PDZD2: variants seen among roughly 807,000 people sequenced by gnomAD.
The protein encoded by PDZD2 is PDZ domain containing 2.
In PDZD2, 90 loss-of-function variants were observed where a neutral mutation model predicts 220.7. That is an observed-to-expected ratio of 0.41 (90% CI 0.34 to 0.49). The LOEUF (loss-of-function observed/expected upper bound fraction) is 0.49, where lower values mean the gene tolerates loss of function less well. Ranked by LOEUF, PDZD2 falls within the 20% of genes least tolerant of loss-of-function variation. The pLI, the probability that PDZD2 is intolerant of heterozygous loss-of-function variation, is 0.28. For missense variants in PDZD2, 3,174 were observed against 3,608.5 expected, an observed-to-expected ratio of 0.88 and a Z score of 3.08; for synonymous variants, 1,375 against 1,450.5, an observed-to-expected ratio of 0.95 and a Z score of 1.18.
chr5:32,074,111 G>C lies in PDZD2; in HGVS notation c.3005G>C (p.Arg1002Thr). Residue 1002 changes from arginine (R) to threonine (T), a missense_variant, in exon 18 of 25, where the codon AGG becomes ACG. Coordinates refer to ENST00000438447, the MANE Select transcript of PDZD2 (RefSeq NM_178140.4). ...PIRPLSEDDP[R>T]RVSISSSKGM... Reference sequence around the variant, plus strand: ...AGGCCTCTGTCAGAGGATGACCCGAGGCGTGTCTCAATTTCCTCTTCCAAG... The same window carrying C: ...AGGCCTCTGTCAGAGGATGACCCGACGCGTGTCTCAATTTCCTCTTCCAAG... 6.2e-7 allele frequency: 1 copy of C among 1,614,224 alleles called. No homozygotes were observed. Among genetic ancestry groups the C allele is most frequent in the Non-Finnish European group, 8.5e-7 (1 of 1,180,048 alleles).
intron 3 of PDZD2, among the ~76,000 whole-genome samples, chr5:31,990,361 A>T (rs1279899429): frequency 1.3e-5 from 2 of 152,236 alleles, no homozygotes; most frequent in African/African-American, 2.4e-5. Flanking sequence ...GGAAAGGGTA[A>T]CACTCCAACA....
intron 6 of PDZD2, among the ~76,000 whole-genome samples, chr5:32,012,278 A>G (rs1267278529): frequency 2.0e-5 from 3 of 152,156 alleles, no homozygotes; most frequent in Non-Finnish European, 4.4e-5. Flanking sequence ...CGGCGAGGAC[A>G]GCCCTGCAGC....
At chr5:32,043,099 G>C (rs1737579597) in intron 7 of PDZD2, among the ~76,000 whole-genome samples, 2 of 152,310 alleles carry the variant, frequency 1.3e-5, no homozygotes, top group South Asian at 4.1e-4. Context: ...AGGGAATCTT[G>C]AAAAGAATTC....
At chr5:31,817,125 G>A (rs896782278) in intron 2 of PDZD2, among the ~76,000 whole-genome samples, 6 of 151,354 alleles carry the variant, frequency 4.0e-5, no homozygotes, top group African/African-American at 1.5e-4. Flanking sequence ...GGTGGAGCTT[G>A]CGGTGAGCCG....
At chr5:31,915,803 A>C (rs1288192918) in intron 2 of PDZD2, among the ~76,000 whole-genome samples, 2 of 152,198 alleles carry the variant, frequency 1.3e-5, no homozygotes, top group Non-Finnish European at 2.9e-5. Flanking sequence ...TTTCTATCTG[A>C]GCCCAGTCTT....
intron 10 of PDZD2, among the ~76,000 whole-genome samples, chr5:32,057,076 T>C (rs1267039428): frequency 6.6e-6 from 1 of 152,128 alleles, no homozygotes; most frequent in Non-Finnish European, 1.5e-5. Flanking sequence ...CCTGGGTGAC[T>C]GAGCCAGAGC....
intron 1 of PDZD2, among the ~76,000 whole-genome samples, chr5:31,789,655 G>A (rs1040431588): frequency 2.6e-4 from 40 of 152,242 alleles, no homozygotes; most frequent in African/African-American, 5.5e-4. Context: ...CGGGCTGGGC[G>A]TGGTGGCTCA....
rs60066801 is a variant in PDZD2 at position 31,641,633 on chromosome 5, G to A, written c.-361+2196G>A. 1.1e-4 allele frequency among the ~76,000 whole-genome samples: 17 copies of A among 152,118 alleles called. 1 individual carries two copies. In the East Asian group the frequency reaches 2.9e-3, roughly 26 times the overall value. The stretch of plus-strand genomic sequence containing the variant: ...GCCTCCTGAGTAACTGGGATCACAG[G>A]TGTGTGTTACCACAACCAGATAATT... On this transcript the variant is annotated intron_variant, in intron 1 of 24. Transcript: ENST00000438447.
chr5:31,800,149 C>T (rs1438081691), intron 2 of PDZD2, among the ~76,000 whole-genome samples: 2 of 152,180 alleles, frequency 1.3e-5, no homozygotes, highest in Non-Finnish European at 2.9e-5. Flanking sequence ...CCCAAGGGCC[C>T]CAAGACCGTT....
chr5:32,002,883 C>CCAA (rs1172231708), intron 5 of PDZD2, among the ~76,000 whole-genome samples: 9 of 24,018 alleles, frequency 3.7e-4, no homozygotes, highest in Non-Finnish European at 7.8e-4. Flanking sequence ...CACACACACA[C>CCAA]CACACACACC....
At chr5:31,846,145 T>C (rs370168858) in intron 2 of PDZD2, among the ~76,000 whole-genome samples, 12 of 152,338 alleles carry the variant, frequency 7.9e-5, no homozygotes, top group East Asian at 5.8e-4. Context: ...GGTTGGTTTT[T>C]TTCTTTGAGA....
At chr5:31,765,268 T>C (rs1751931937) in intron 1 of PDZD2, among the ~76,000 whole-genome samples, 1 of 152,080 alleles carries the variant, frequency 6.6e-6, no homozygotes, top group Non-Finnish European at 1.5e-5. Flanking sequence ...TTGTCAGAGC[T>C]CTGGAGAGGA....
rs1487862444 is a variant in PDZD2 at position 31,690,523 on chromosome 5, C to CA, written c.-361+51087dup. Among the ~76,000 whole-genome samples, 3 of 152,316 alleles carry CA rather than the reference C, an allele frequency of 2.0e-5. No individual in the cohort carries two copies. The East Asian group carries it at 5.8e-4, about 29-fold the overall frequency. Reference sequence around the variant, plus strand: ...TCTAAAATAAAAGCTTTAGCAGAGACACGCTGCTTTTGAGACTGTCTTTGC... The same window carrying CA: ...TCTAAAATAAAAGCTTTAGCAGAGACAACGCTGCTTTTGAGACTGTCTTTGC... On this transcript the variant is annotated intron_variant, in intron 1 of 24. Transcript: ENST00000438447.
Position 32,092,509 on chromosome 5 carries a change from T to G in PDZD2, c.7728-398T>G, listed in dbSNP as rs182355523. ...ATAGCTTGAACCCAGGAGGTAGAGG[T>G]TGCAGTGAGCTGAGATCGTGCCACT... On this transcript the variant is annotated intron_variant, in intron 20 of 24. Coordinates refer to ENST00000438447, the MANE Select transcript of PDZD2 (RefSeq NM_178140.4). Among the ~76,000 whole-genome samples the G allele has an allele frequency of 2.9e-3, 442 of 152,176 alleles. 7 individuals carry two copies. The highest frequency in any genetic ancestry group is 0.01 in the African/African-American group (422 of 41,520).
chr5:31,777,600 G>A (rs1752772126), intron 1 of PDZD2, among the ~76,000 whole-genome samples: 1 of 152,174 alleles, frequency 6.6e-6, no homozygotes, highest in Non-Finnish European at 1.5e-5. Context: ...GTGGGGACTT[G>A]GAGAACTTTT....
intron 1 of PDZD2, among the ~76,000 whole-genome samples, chr5:31,701,598 T>C (rs900718911): frequency 2.8e-4 from 43 of 152,150 alleles, no homozygotes; most frequent in African/African-American, 1.0e-3. Context: ...CTTCCTGTCT[T>C]ATTTAGAAAA....
At chr5:31,913,390 G>C (rs1245632632) in intron 2 of PDZD2, among the ~76,000 whole-genome samples, 1 of 151,712 alleles carries the variant, frequency 6.6e-6, no homozygotes, top group African/African-American at 2.4e-5. Context: ...ACAAAGCTAA[G>C]ATTTAGCCCA....
chr5:31,747,233 C>A (rs904593033), intron 1 of PDZD2, among the ~76,000 whole-genome samples: 1 of 151,954 alleles, frequency 6.6e-6, no homozygotes, highest in African/African-American at 2.4e-5. Context: ...AAATGAAGAC[C>A]CAAAGAAATA....
At chr5:31,861,349 AT>A (rs1737690813) in intron 2 of PDZD2, among the ~76,000 whole-genome samples, 1 of 152,164 alleles carries the variant, frequency 6.6e-6, no homozygotes, top group South Asian at 2.1e-4. Context: ...GTGGAGATTT[AT>A]TTATGCATCG....
Sources: gnomAD v4.1 joint callset for allele counts (sites outside exome capture counted in the v4.1 genomes callset) on GRCh38, gnomAD v4.1.1 for gene constraint, MANE v1.5 for transcripts, NCBI Gene and HGNC (gene_info 2026-07-23, HGNC 2026-07-21) for gene names.